The following FANCC variants were observed in gnomAD, a reference collection of about 807,000 sequenced individuals.
FANCC encodes the protein FA complementation group C.
FANCC carries 55 observed loss-of-function variants against 71.3 expected under a neutral mutation model. The ratio of observed to expected loss-of-function variants is 0.77; its 90% confidence interval spans 0.62 to 0.97. The LOEUF (loss-of-function observed/expected upper bound fraction) is 0.97, where lower values mean the gene tolerates loss of function less well. Among genes scored for constraint, FANCC ranks in the 50% least tolerant of loss-of-function variants. The probability of loss-of-function intolerance (pLI) is 0.00; values close to 1 mark genes in which losing one functional copy is unlikely to be tolerated. For synonymous variants in FANCC, 275 were observed against 244.9 expected, an observed-to-expected ratio of 1.12 and a Z score of -1.15; for missense variants, 678 against 670.9, an observed-to-expected ratio of 1.01 and a Z score of -0.12.
chr9:95,122,344 T>C (rs1042924823), intron 10 of FANCC, among the ~76,000 whole-genome samples: 2 of 152,118 alleles, frequency 1.3e-5, no homozygotes, highest in Non-Finnish European at 2.9e-5. Flanking sequence ...GGGTTTTGAT[T>C]AGCTAAAAAT....
At chr9:95,103,316 C>G (rs909355384) in intron 14 of FANCC, among the ~76,000 whole-genome samples, 2 of 152,196 alleles carry the variant, frequency 1.3e-5, no homozygotes, top group Non-Finnish European at 2.9e-5. Flanking sequence ...GCCCTGCAGC[C>G]GCCTGGAAAA....
intron 4 of FANCC, among the ~76,000 whole-genome samples, chr9:95,231,081 C>A (rs529299343): frequency 6.6e-6 from 1 of 152,290 alleles, no homozygotes; most frequent in African/African-American, 2.4e-5. Flanking sequence ...TATCAGATTT[C>A]TTTTTGTAAC....
intron 8 of FANCC, chr9:95,126,856 G>T: frequency 2.3e-6 from 1 of 431,308 alleles, no homozygotes; most frequent in Non-Finnish European, 4.3e-6. Flanking sequence ...CCATAATACA[G>T]AATCAGTAAG....
chr9:95,243,152 T>C (rs1223212019), intron 3 of FANCC, among the ~76,000 whole-genome samples: 4 of 152,250 alleles, frequency 2.6e-5, no homozygotes, highest in Non-Finnish European at 2.9e-5. Context: ...TTCACTGTTT[T>C]AAGCTGCTAA....
chr9:95,272,756 C>T (rs1832814797), intron 1 of FANCC, among the ~76,000 whole-genome samples: 1 of 152,144 alleles, frequency 6.6e-6, no homozygotes, highest in Non-Finnish European at 1.5e-5. Context: ...CATTTTCTAG[C>T]TTTTCACTTA....
chr9:95,175,772 C>T (rs1825976260), intron 4 of FANCC, among the ~76,000 whole-genome samples: 1 of 152,264 alleles, frequency 6.6e-6, no homozygotes, highest in Non-Finnish European at 1.5e-5. Flanking sequence ...AGGATGGAGC[C>T]TGAATCCCCA....
At chr9:95,246,801 G>A (rs1831008444) in intron 3 of FANCC, among the ~76,000 whole-genome samples, 1 of 152,152 alleles carries the variant, frequency 6.6e-6, no homozygotes. Flanking sequence ...ATAGGACCTG[G>A]CTACCACCAT....
Position 95,273,918 on chromosome 9 carries a change from T to C in FANCC, c.-78-24549A>G, listed in dbSNP as rs900708985. On this transcript the variant is annotated intron_variant, in intron 1 of 14. Transcript: ENST00000289081. ...GCATATGCATAGAGGAACTCAAGAG[T>C]GATACAGCTCTTTTAGTTAAGGCTA... Among the ~76,000 whole-genome samples the C allele has an allele frequency of 2.6e-5, 4 of 152,036 alleles. No individual in the cohort carries two copies. The East Asian group carries it at 5.8e-4, about 22-fold the overall frequency.
intron 1 of FANCC, among the ~76,000 whole-genome samples, chr9:95,278,795 T>TTAAGCGAGCATAAGTCTGAAACC (rs142051275): frequency 1.0e-3 from 1 of 968 alleles, no homozygotes; most frequent in African/African-American, 4.2e-3. Flanking sequence ...ATCACGGTAA[T>TTAAGCGAGCATAAGTCTGAAACC]TATTCTACGG....
At chr9:95,282,790 AC>A (rs1465421227) in intron 1 of FANCC, among the ~76,000 whole-genome samples, 1 of 152,200 alleles carries the variant, frequency 6.6e-6, no homozygotes, top group Non-Finnish European at 1.5e-5. Context: ...AACCTTGAAA[AC>A]TTTACAAATA....
chr9:95,283,792 C>T (rs1014081517), intron 1 of FANCC, among the ~76,000 whole-genome samples: 2 of 152,226 alleles, frequency 1.3e-5, no homozygotes, highest in African/African-American at 2.4e-5. Context: ...TATGACTCAC[C>T]TGTGCCTCTT....
intron 3 of FANCC, among the ~76,000 whole-genome samples, chr9:95,241,762 C>T (rs1370276344): frequency 6.6e-6 from 1 of 152,154 alleles, no homozygotes; most frequent in Non-Finnish European, 1.5e-5. Context: ...CGGGCTCCAG[C>T]GATTCTCCCA....
chr9:95,186,648 A>G (rs1826735553), intron 4 of FANCC: 1 of 152,252 alleles, frequency 6.6e-6, no homozygotes, highest in Non-Finnish European at 1.5e-5. Context: ...AATTCCACCT[A>G]TGTGAAAACA....
At chr9:95,138,114 TACA>T (rs1465893308) in intron 7 of FANCC, among the ~76,000 whole-genome samples, 1 of 152,196 alleles carries the variant, frequency 6.6e-6, no homozygotes, top group African/African-American at 2.4e-5. Context: ...TTAACAGCCC[TACA>T]AAACAGGTAC....
intron 6 of FANCC, among the ~76,000 whole-genome samples, chr9:95,154,836 T>C (rs1356976686): frequency 6.6e-6 from 1 of 152,140 alleles, no homozygotes; most frequent in Non-Finnish European, 1.5e-5. Flanking sequence ...GCACACAGTT[T>C]TTCCATGACA....
intron 4 of FANCC, among the ~76,000 whole-genome samples, chr9:95,189,115 A>G (rs1407135974): frequency 6.6e-6 from 1 of 152,182 alleles, no homozygotes; most frequent in South Asian, 2.1e-4. Flanking sequence ...TCCCTTTTGC[A>G]GTTTTACATC....
chr9:95,178,591 G>C (rs1342067541), intron 4 of FANCC, among the ~76,000 whole-genome samples: 1 of 152,198 alleles, frequency 6.6e-6, no homozygotes, highest in Non-Finnish European at 1.5e-5. Flanking sequence ...GCTGACTGGC[G>C]CCCTGTGCCC....
At position 95,126,599 on chromosome 9, in the gene FANCC, C is replaced by T. The variant is rs1398840025; in HGVS notation, c.844-18G>A. ...GCTTGAGGCTGTAAAAGGAGAAGAC[C>T]ATGAGAATGTGAAATATCACAAGCA... On this transcript the variant is annotated intron_variant, in intron 8 of 14. Transcript: ENST00000289081. 6.2e-7 allele frequency: 1 copy of T among 1,613,498 alleles called. No homozygotes were observed. Among genetic ancestry groups the T allele is most frequent in the Non-Finnish European group, 8.5e-7 (1 of 1,179,526 alleles).
At chr9:95,155,292 GAC>G (rs1830402473) in intron 6 of FANCC, among the ~76,000 whole-genome samples, 1 of 72,524 alleles carries the variant, frequency 1.4e-5, no homozygotes, top group African/African-American at 5.5e-5. Context: ...GAAGGAAGGG[GAC>G]GGAAGGGGAG....
Sources: gnomAD v4.1 joint callset for allele counts (sites outside exome capture counted in the v4.1 genomes callset) on GRCh38, gnomAD v4.1.1 for gene constraint, MANE v1.5 for transcripts, NCBI Gene and HGNC (gene_info 2026-07-23, HGNC 2026-07-21) for gene names.